The following RAPGEFL1 variants were observed in gnomAD, a reference collection of about 807,000 sequenced individuals.
The protein encoded by RAPGEFL1 is Rap guanine nucleotide exchange factor like 1.
A neutral mutation model predicts 64.4 loss-of-function variants in RAPGEFL1; 31 were observed. The observed-to-expected ratio is 0.48, with a 90% CI of 0.36 to 0.65. The LOEUF is 0.65. Among genes scored for constraint, RAPGEFL1 ranks in the 30% least tolerant of loss-of-function variants. RAPGEFL1 has a pLI of 0.00. For missense variants in RAPGEFL1, 682 were observed against 677.4 expected (o/e 1.01, Z -0.08); for synonymous variants, 331 against 274.1 (o/e 1.21, Z -2.05).
rs188434718 is a variant in RAPGEFL1 at position 40,193,138 on chromosome 17, G to T, written c.1809+148G>T. 500 of 964,966 alleles carry T rather than the reference G, an allele frequency of 5.2e-4. 6 individuals are homozygous for T. In the African/African-American group the frequency reaches 7.3e-3, roughly 14 times the overall value. 59.8% of individuals were successfully genotyped at this position (964,966 alleles called of 1,614,324 possible). A position where few individuals can be genotyped will look rare whatever the true frequency, so the allele number is the denominator to read the frequency against. On this transcript the variant is annotated intron_variant, in intron 13 of 14. Transcript: ENST00000620260. Reference sequence around the variant, plus strand: ...TGACTGTCTCCCTGGTGGCATCACTGTGGCAACCCACCCACAGGTGGCAGA... The same window carrying T: ...TGACTGTCTCCCTGGTGGCATCACTTTGGCAACCCACCCACAGGTGGCAGA...
Position 40,193,862 on chromosome 17 carries a change from C to A in RAPGEFL1, c.*74C>A. The A allele has an allele frequency of 2.5e-6, 4 of 1,586,628 alleles. No individual in the cohort carries two copies. The highest frequency in any genetic ancestry group is 3.4e-6 in the Non-Finnish European group (4 of 1,161,924). On this transcript the variant is annotated 3_prime_UTR_variant, in exon 15 of 15. Transcript: ENST00000620260. ...CAAGCACTTTGCACGATGTCTCAACCAACATCTGACATCTTTCCCGTGGAG... is the reference window on the plus strand; with the variant it reads ...CAAGCACTTTGCACGATGTCTCAACAAACATCTGACATCTTTCCCGTGGAG...
At position 40,191,336 on chromosome 17, in the gene RAPGEFL1, G is replaced by T; in HGVS notation, c.1356G>T (p.Val452=). The T allele has an allele frequency of 6.3e-7, 1 of 1,587,602 alleles. No individual in the cohort carries two copies. The highest frequency in any genetic ancestry group is 8.5e-7 in the Non-Finnish European group (1 of 1,174,978). ...CVHELEFVDY[V]FHGERGRRET... ...TGCAGCTGGAGTTCGTGGACTACGTGTTCCACGGGGAGCGCGGCCGCCGGG... is the reference window on the plus strand; with the variant it reads ...TGCAGCTGGAGTTCGTGGACTACGTTTTCCACGGGGAGCGCGGCCGCCGGG... The change falls in exon 9 of 15, where the codon GTG becomes GTT. Residue 452 remains valine, a synonymous_variant. Coordinates refer to ENST00000620260, the MANE Select transcript of RAPGEFL1 (RefSeq NM_016339.6). This position sits in a 1 kb window ranked among gnomAD's most constrained non-coding sequence, Gnocchi z 5.1.
Sources: gnomAD v4.1 joint callset for allele counts on GRCh38, gnomAD v4.1.1 for gene constraint, Gnocchi (gnomAD v3.1) non-coding constraint, MANE v1.5 for transcripts, NCBI Gene and HGNC (gene_info 2026-07-23, HGNC 2026-07-21) for gene names.